The following DGKZ variants were observed in gnomAD, a reference collection of about 807,000 sequenced individuals.
The protein encoded by DGKZ is diacylglycerol kinase zeta.
In DGKZ, 45 loss-of-function variants were observed where a neutral mutation model predicts 142.5. The observed-to-expected ratio is 0.32, with a 90% CI of 0.25 to 0.40. The LOEUF (loss-of-function observed/expected upper bound fraction) is 0.40. Among genes scored for constraint, DGKZ ranks in the 10% least tolerant of loss-of-function variants. DGKZ has a pLI of 1.00. For missense variants in DGKZ, 755 were observed against 1,306.5 expected (o/e 0.58, Z 6.51); for synonymous variants, 442 against 527.0 (o/e 0.84, Z 2.21).
rs770884168 is a variant in DGKZ at position 46,379,948 on chromosome 11, C to T, written c.*1C>T. The T allele has an allele frequency of 8.4e-5, 135 of 1,601,734 alleles. 1 individual carries two copies. Among genetic ancestry groups the T allele is most frequent in the Non-Finnish European group, 5.7e-5 (67 of 1,175,570 alleles). Reference sequence around the variant, plus strand: ...GGAGGACCAGGAGACGGCTGTGTAGCGGGCCGCCCACGGGCAGCAGGAGGG... The same window carrying T: ...GGAGGACCAGGAGACGGCTGTGTAGTGGGCCGCCCACGGGCAGCAGGAGGG... On this transcript the variant is annotated 3_prime_UTR_variant, in exon 31 of 31. Coordinates refer to ENST00000527911, the Ensembl canonical transcript of DGKZ.
intron 24 of DGKZ, 87 bp downstream of exon 24, chr11:46,376,651 C>T (rs1944580052): frequency 5.2e-6 from 8 of 1,539,070 alleles, no homozygotes; most frequent in African/African-American, 1.4e-5. Flanking sequence ...TTAGCTCCCC[C>T]GATGGGCTCA....
rs566765435 is a variant in DGKZ, at chr11:46,365,486, G to A, written c.162-1805G>A. 142 of 985,332 alleles carry A rather than the reference G, an allele frequency of 1.4e-4. No individual in the cohort carries two copies. In the African/African-American group the frequency reaches 2.2e-3, roughly 15 times the overall value. 61.0% of individuals were successfully genotyped at this position (985,332 alleles called of 1,614,324 possible). A position where few individuals can be genotyped will look rare whatever the true frequency, so the allele number is the denominator to read the frequency against. ...GCTTTTGGCCCAAGCCTATTGTCAC[G>A]GCCCCCTGGGTGTGAAGGGAGACTG... is the stretch of plus-strand genomic sequence containing the variant. On this transcript the variant is annotated intron_variant, in intron 1 of 30. Coordinates refer to ENST00000527911, the Ensembl canonical transcript of DGKZ.
At chr11:46,364,535 G>A in intron 1 of DGKZ, 1 of 985,432 alleles carries the variant, frequency 1.0e-6, no homozygotes, top group South Asian at 4.7e-5. Context: ...TGTCATCTGA[G>A]GCAGCTGGAA....
Position 46,356,168 on chromosome 11 carries a change from C to T in DGKZ, c.161+8348C>T, listed in dbSNP as rs1366335222. On this transcript the variant is annotated intron_variant, in intron 1 of 30. Transcript: ENST00000527911. ...CGGTCACCAGAGAAGAGTGGGGGCC[C>T]GCGAGGGGTTTATAACAAAGGGGCC... 4.6e-5 allele frequency among the ~76,000 whole-genome samples: 7 copies of T among 152,212 alleles called. No individual in the cohort carries two copies. In the South Asian group the frequency reaches 8.3e-4, roughly 18 times the overall value.
At chr11:46,347,088 T>C (rs943364546), upstream of DGKZ, among the ~76,000 whole-genome samples, 2 of 152,098 alleles carry the variant, frequency 1.3e-5, no homozygotes, top group Non-Finnish European at 2.9e-5. The surrounding 1 kb of genome is among the most constrained non-coding windows in gnomAD (Gnocchi z 6.4). Flanking sequence ...TGAGTGGCTA[T>C]GAGTAGGGTG....
chr11:46,353,441 A>G (rs1191586832), intron 1 of DGKZ, among the ~76,000 whole-genome samples: 1 of 152,188 alleles, frequency 6.6e-6, no homozygotes, highest in African/African-American at 2.4e-5. Flanking sequence ...CTGGACCCCC[A>G]AGGGAGAATG....
intron 1 of DGKZ, chr11:46,365,393 C>G: frequency 2.0e-6 from 2 of 985,414 alleles, no homozygotes; most frequent in Non-Finnish European, 2.4e-6. Flanking sequence ...CAGTCGAGCA[C>G]CAGAAAGTTC....
intron 1 of DGKZ, chr11:46,366,186 A>C: frequency 3.4e-6 from 5 of 1,460,630 alleles, no homozygotes; most frequent in African/African-American, 1.5e-5. Context: ...GCTCCCGGAC[A>C]CAGGACAGAC....
chr11:46,366,547 C>G (rs955005824), intron 1 of DGKZ: 1 of 1,600,756 alleles, frequency 6.2e-7, no homozygotes, highest in South Asian at 1.1e-5. Context: ...CACAGCCTAC[C>G]ACCGTGGGGG....
intron 1 of DGKZ, among the ~76,000 whole-genome samples, chr11:46,334,389 C>T (rs552266832): frequency 2.6e-5 from 4 of 152,344 alleles, no homozygotes; most frequent in South Asian, 2.1e-4. Context: ...TTACAGCCAT[C>T]GGCCTGGTTG....
intron 1 of DGKZ, among the ~76,000 whole-genome samples, chr11:46,340,437 G>A (rs1940224146): frequency 6.6e-6 from 1 of 152,210 alleles, no homozygotes; most frequent in Admixed American, 6.5e-5. Context: ...ACTAAGGGGA[G>A]AGCTGTGCAG....
chr11:46,365,408 C>T, intron 1 of DGKZ: 1 of 985,386 alleles, frequency 1.0e-6, no homozygotes. Context: ...AAGTTCTTAC[C>T]ATCAGCACTT....
chr11:46,347,394 G>T, upstream of DGKZ: 3 of 983,820 alleles, frequency 3.0e-6, no homozygotes, highest in Non-Finnish European at 2.4e-6. This position sits in a 1 kb window ranked among gnomAD's most constrained non-coding sequence, Gnocchi z 6.4. Flanking sequence ...GTGCGGCCGA[G>T]GGGGCGTGCT....
rs1939847169 is a variant in DGKZ, at chr11:46,333,036, A to C, written c.-240A>C. 9 of 345,344 alleles carry C rather than the reference A, an allele frequency of 2.6e-5. No individual in the cohort carries two copies. The South Asian group carries it at 1.4e-3, about 52-fold the overall frequency. The allele number at this position is 345,344 out of a possible 1,614,324, so 21.4% of individuals were successfully genotyped here. A position where few individuals can be genotyped will look rare whatever the true frequency, so the allele number is the denominator to read the frequency against. ...GCGGCGCGCAGAGCGCAGCACCCCG[A>C]CTCCAGCCAGGAGCCCCCGCCCCCC... is the stretch of plus-strand genomic sequence containing the variant. On this transcript the variant is annotated 5_prime_UTR_variant, in exon 1 of 31. Transcript: ENST00000343674.
chr11:46,363,872 A>G (rs1942964228), intron 1 of DGKZ, among the ~76,000 whole-genome samples: 1 of 152,264 alleles, frequency 6.6e-6, no homozygotes. Flanking sequence ...CCTGACACAA[A>G]GCAGGCCCCA....
At chr11:46,374,300 C>T (rs1944303343) in intron 15 of DGKZ, 65 bp downstream of exon 15, 11 of 1,612,082 alleles carry the variant, frequency 6.8e-6, no homozygotes, top group Non-Finnish European at 8.5e-6. Flanking sequence ...AGGGTCAGAC[C>T]CTGCTCCCGC....
At chr11:46,357,949 T>G (rs1942225140) in intron 1 of DGKZ, among the ~76,000 whole-genome samples, 1 of 152,186 alleles carries the variant, frequency 6.6e-6, no homozygotes, top group African/African-American at 2.4e-5. Context: ...AACTAAGGCT[T>G]CGTGTCACAG....
rs1354543998 is a variant in DGKZ, at chr11:46,347,728, C to T, written c.69C>T (p.Ser23=). The T allele has an allele frequency of 2.1e-6, 3 of 1,454,578 alleles. No individual in the cohort carries two copies. Among genetic ancestry groups the T allele is most frequent in the Admixed American group, 2.5e-5 (1 of 40,026 alleles). 90.1% of individuals were successfully genotyped at this position (1,454,578 alleles called of 1,614,324 possible). A position where few individuals can be genotyped will look rare whatever the true frequency, so the allele number is the denominator to read the frequency against. The stretch of plus-strand genomic sequence containing the variant: ...CCGAGTCGGCTTCCGCCTCGTCCAG[C>T]GGCTCCGAGCGCGACGCCGGTCCCG... Residue 23 remains serine, a synonymous_variant, in exon 1 of 31, where the codon AGC becomes AGT. Coordinates refer to ENST00000527911, the Ensembl canonical transcript of DGKZ. The surrounding 1 kb of genome is among the most constrained non-coding windows in gnomAD (Gnocchi z 6.4).
At chr11:46,350,810 TGGC>T (rs1259781152) in intron 1 of DGKZ, among the ~76,000 whole-genome samples, 1 of 151,486 alleles carries the variant, frequency 6.6e-6, no homozygotes, top group Non-Finnish European at 1.5e-5. Context: ...CCCACACAAC[TGGC>T]GTCATCCTCT....
Sources: allele counts gnomAD v4.1 joint callset (sites outside exome capture counted in the v4.1 genomes callset), GRCh38; gene constraint gnomAD v4.1.1; non-coding constraint Gnocchi (gnomAD v3.1); transcripts MANE v1.5; gene names NCBI Gene and HGNC (gene_info 2026-07-23, HGNC 2026-07-21).